Variants in SLC35F4 observed in about 807,000 individuals in gnomAD.
The protein encoded by SLC35F4 is chromosome 14 open reading frame 36.
A neutral mutation model predicts 44.2 loss-of-function variants in SLC35F4; 24 were observed. The observed-to-expected ratio is 0.54, with a 90% CI of 0.39 to 0.76. The LOEUF (loss-of-function observed/expected upper bound fraction) is 0.76. Among genes scored for constraint, SLC35F4 ranks in the 30% least tolerant of loss-of-function variants. The probability of loss-of-function intolerance (pLI) is 0.00; values close to 1 mark genes in which losing one functional copy is unlikely to be tolerated. For synonymous variants in SLC35F4, 238 were observed against 223.6 expected, an observed-to-expected ratio of 1.06 and a Z score of -0.57; for missense variants, 562 against 586.1, an observed-to-expected ratio of 0.96 and a Z score of 0.42.
At chr14:57,880,034 GAGGAAGGAAGGAAGGAAGGAAGGA>G (rs59505576) in intron 1 of SLC35F4, among the ~76,000 whole-genome samples, 4,071 of 92,966 alleles carry the variant, frequency 0.044, 167 homozygotes, top group East Asian at 0.13. Flanking sequence ...GGAAAGGAGG[GAGGAAGGAAGGAAGGAAGGAAGGA>G]AGGAAGGAAG....
At chr14:57,818,590 C>A (rs566413856) in intron 1 of SLC35F4, among the ~76,000 whole-genome samples, 1 of 152,106 alleles carries the variant, frequency 6.6e-6, no homozygotes, top group Non-Finnish European at 1.5e-5. Flanking sequence ...TGCTTCTCTG[C>A]CCTGTAGTCA....
chr14:57,717,030 G>T (rs536671417), intron 1 of SLC35F4, among the ~76,000 whole-genome samples: 46 of 152,230 alleles, frequency 3.0e-4, no homozygotes, highest in Middle Eastern at 3.4e-3. Flanking sequence ...GCTCACCCAT[G>T]TTGCTGACAG....
intron 1 of SLC35F4, among the ~76,000 whole-genome samples, chr14:57,802,774 G>T (rs941422667): frequency 1.3e-5 from 2 of 152,078 alleles, no homozygotes; most frequent in Middle Eastern, 3.4e-3. Context: ...GGAAGAAATT[G>T]AATTCCAGAA....
At chr14:57,776,665 C>CAAAAAAAAAAAAA (rs57272978) in intron 1 of SLC35F4, among the ~76,000 whole-genome samples, 14 of 72,070 alleles carry the variant, frequency 1.9e-4, no homozygotes, top group African/African-American at 5.5e-4. Flanking sequence ...GACTCCATCT[C>CAAAAAAAAAAAAA]AAAAAAAAAA....
At chr14:57,796,824 A>G (rs2078064944) in intron 1 of SLC35F4, among the ~76,000 whole-genome samples, 1 of 152,172 alleles carries the variant, frequency 6.6e-6, no homozygotes, top group Admixed American at 6.5e-5. Flanking sequence ...ACACACATAC[A>G]CACAAACCCT....
intron 1 of SLC35F4, among the ~76,000 whole-genome samples, chr14:57,652,502 A>C (rs1392306378): frequency 6.6e-6 from 1 of 152,168 alleles, no homozygotes; most frequent in African/African-American, 2.4e-5. Flanking sequence ...TGTCTTCTGA[A>C]CAAGGAGACA....
At chr14:57,607,117 C>G (rs1300803590) in intron 1 of SLC35F4, among the ~76,000 whole-genome samples, 1 of 152,202 alleles carries the variant, frequency 6.6e-6, no homozygotes, top group Non-Finnish European at 1.5e-5. Context: ...AGGCAATTCA[C>G]TGCACAGCCC....
At chr14:57,979,677 AC>A (rs1881321278) in intron 1 of SLC35F4, among the ~76,000 whole-genome samples, 1 of 152,348 alleles carries the variant, frequency 6.6e-6, no homozygotes, top group East Asian at 1.9e-4. Context: ...CTTCCTTTTG[AC>A]CCTGGAAGCC....
At chr14:57,673,097 G>A (rs1437533675) in intron 1 of SLC35F4, among the ~76,000 whole-genome samples, 2 of 152,088 alleles carry the variant, frequency 1.3e-5, no homozygotes, top group Admixed American at 1.3e-4. Flanking sequence ...GATGAACCAT[G>A]AATTTGAATT....
At chr14:57,733,201 C>T (rs139914097) in intron 1 of SLC35F4, among the ~76,000 whole-genome samples, 175 of 152,166 alleles carry the variant, frequency 1.2e-3, no homozygotes, top group African/African-American at 4.1e-3. Context: ...GCTCTCCGGC[C>T]TACTGATTTG....
intron 1 of SLC35F4, among the ~76,000 whole-genome samples, chr14:57,677,837 G>T (rs1227097868): frequency 2.0e-5 from 3 of 151,906 alleles, no homozygotes; most frequent in Non-Finnish European, 4.4e-5. Context: ...TGAAAAATGG[G>T]CAAGGGTCAT....
rs1027276121 is a variant in SLC35F4 at position 57,578,695 on chromosome 14, G to C, written c.807+2519C>G. On this transcript the variant is annotated intron_variant, in intron 4 of 7. Coordinates refer to ENST00000556826, the MANE Select transcript of SLC35F4 (RefSeq NM_001306087.2). ...TGAAGCACTTCCTCTTACTTAAAAAGAAAAATATTTGATTTTTACAGGATG... is the reference window on the plus strand; with the variant it reads ...TGAAGCACTTCCTCTTACTTAAAAACAAAAATATTTGATTTTTACAGGATG... 19 of 152,124 alleles carry C rather than the reference G, an allele frequency of 1.2e-4. No individual in the cohort carries two copies. In the South Asian group the frequency reaches 1.5e-3, roughly 12 times the overall value. The allele number at this position is 152,124 out of a possible 1,614,324, so 9.4% of individuals were successfully genotyped here.
intron 1 of SLC35F4, among the ~76,000 whole-genome samples, chr14:57,752,044 T>G (rs1002698120): frequency 6.6e-6 from 1 of 152,122 alleles, no homozygotes; most frequent in Non-Finnish European, 1.5e-5. Flanking sequence ...ACCTTCCTTT[T>G]CCAGGCTCCC....
At chr14:57,579,707 C>T (rs1394500592) in intron 4 of SLC35F4, among the ~76,000 whole-genome samples, 3 of 152,150 alleles carry the variant, frequency 2.0e-5, no homozygotes, top group Admixed American at 6.5e-5. Flanking sequence ...AAATATCAAT[C>T]GAACCCCCAC....
intron 1 of SLC35F4, among the ~76,000 whole-genome samples, chr14:57,679,121 G>A (rs562870049): frequency 1.3e-5 from 2 of 151,978 alleles, no homozygotes; most frequent in South Asian, 4.2e-4. Flanking sequence ...CACATAATTG[G>A]AAGTAAAACA....
chr14:57,649,289 G>T (rs1213573212), intron 1 of SLC35F4, among the ~76,000 whole-genome samples: 3 of 152,126 alleles, frequency 2.0e-5, no homozygotes, highest in African/African-American at 7.2e-5. Flanking sequence ...TTGCAGTTTT[G>T]GTGGTAGAAG....
intron 1 of SLC35F4, among the ~76,000 whole-genome samples, chr14:57,796,376 G>A (rs1323158434): frequency 1.3e-5 from 2 of 152,056 alleles, no homozygotes; most frequent in African/African-American, 4.8e-5. Flanking sequence ...CACCAGATTT[G>A]TGGAACTTTG....
chr14:57,564,190 A>G lies in SLC35F4; in HGVS notation c.1403T>C (p.Ile468Thr), dbSNP rs1342026030. Reference protein sequence around the residue: ...EHVDDVTDPSIHLRGRGRANG... With the variant: ...EHVDDVTDPSTHLRGRGRANG... Reference sequence around the variant, plus strand: ...GGCTCTGCCTCTGCCCCGCAGGTGTATGCTGGGATCAGTCACATCATCCAC... The same window carrying G: ...GGCTCTGCCTCTGCCCCGCAGGTGTGTGCTGGGATCAGTCACATCATCCAC... Residue 468 changes from isoleucine (I) to threonine (T), a missense_variant, in exon 8 of 8, where the codon ATA becomes ACA. By Grantham distance (89) the Ile-to-Thr change is moderately conservative (BLOSUM62 -1). Transcript: ENST00000556826. The G allele has an allele frequency of 3.1e-6, 5 of 1,613,696 alleles. No homozygotes were observed. The highest frequency in any genetic ancestry group is 3.3e-5 in the Admixed American group (2 of 59,950).
intron 1 of SLC35F4, chr14:57,630,647 G>T (rs556531969): frequency 2.2e-5 from 16 of 716,320 alleles, no homozygotes; most frequent in Admixed American, 9.4e-5. Flanking sequence ...GGTCAAAATC[G>T]GTATCAAGGT....
Sources: allele counts gnomAD v4.1 joint callset (sites outside exome capture counted in the v4.1 genomes callset), GRCh38; gene constraint gnomAD v4.1.1; transcripts MANE v1.5; gene names NCBI Gene and HGNC (gene_info 2026-07-23, HGNC 2026-07-21).